ABHD17B: variants seen among roughly 807,000 people sequenced by gnomAD.
The protein encoded by ABHD17B is abhydrolase domain containing 17B, depalmitoylase, also known as alpha/beta hydrolase domain-containing protein 17B.
ABHD17B carries 9 observed loss-of-function variants against 26.2 expected under a neutral mutation model. The observed-to-expected ratio is 0.34, with a 90% CI of 0.21 to 0.60. ABHD17B has a LOEUF of 0.60. Ranked by LOEUF, ABHD17B falls within the 20% of genes least tolerant of loss-of-function variation. The pLI, the probability that ABHD17B is intolerant of heterozygous loss-of-function variation, is 0.80. For missense variants in ABHD17B, 224 were observed against 352.1 expected (o/e 0.64, Z 2.91); for synonymous variants, 127 against 122.3 (o/e 1.04, Z -0.25).
rs1406376280 is a variant in ABHD17B, at chr9:71,906,788, CT to C, written c.-4+3845del. ...AGTTGTATGGCTCCAGAGATCCTGT[CT>C]TTTACATTATTAAAAAACAAACAAA... On this transcript the variant is annotated intron_variant, in intron 1 of 3. Coordinates refer to ENST00000333421, the MANE Select transcript of ABHD17B (RefSeq NM_001025780.3). Among the ~76,000 whole-genome samples the C allele has an allele frequency of 3.5e-5, 5 of 143,890 alleles. No homozygotes were observed. The East Asian group carries it at 8.2e-4, about 24-fold the overall frequency. The allele number at this position is 143,890 out of a possible 152,430, so 94.4% of individuals were successfully genotyped here.
At chr9:71,874,552 T>TA in intron 2 of ABHD17B, 62 bp downstream of exon 2, 1 of 1,375,734 alleles carries the variant, frequency 7.3e-7, no homozygotes, top group Non-Finnish European at 9.9e-7. Context: ...ATTCTATTCT[T>TA]ACACAAGATA....
At chr9:71,881,495 T>C (rs1289216751) in intron 1 of ABHD17B, among the ~76,000 whole-genome samples, 1 of 152,040 alleles carries the variant, frequency 6.6e-6, no homozygotes, top group African/African-American at 2.4e-5. Flanking sequence ...TAAATCAGAC[T>C]CCAAAATTAA....
At chr9:71,897,038 G>T (rs991598116) in intron 1 of ABHD17B, among the ~76,000 whole-genome samples, 3 of 152,154 alleles carry the variant, frequency 2.0e-5, no homozygotes, top group Non-Finnish European at 4.4e-5. Context: ...GGAGACACAT[G>T]AATTTATAAC....
chr9:71,875,094 A>G lies in ABHD17B; in HGVS notation c.-3-11T>C, dbSNP rs1346065353. On this transcript the variant is annotated splice_polypyrimidine_tract_variant and intron_variant, in intron 1 of 3. Transcript: ENST00000333421. The stretch of plus-strand genomic sequence containing the variant: ...AAGATTATTCATGCTCTGAAAAAGA[A>G]AAGGAGATAGCAAATATTTTAATAA... 6.3e-7 allele frequency: 1 copy of G among 1,584,072 alleles called. No individual in the cohort carries two copies. Among genetic ancestry groups the G allele is most frequent in the South Asian group, 1.1e-5 (1 of 90,324 alleles).
At chr9:71,903,939 T>C (rs1827213586) in intron 1 of ABHD17B, among the ~76,000 whole-genome samples, 1 of 152,188 alleles carries the variant, frequency 6.6e-6, no homozygotes, top group Non-Finnish European at 1.5e-5. Flanking sequence ...AGAATTCAGG[T>C]TAAGTTAATT....
intron 1 of ABHD17B, among the ~76,000 whole-genome samples, chr9:71,882,778 T>C (rs543297635): frequency 1.4e-4 from 21 of 152,202 alleles, no homozygotes; most frequent in African/African-American, 3.9e-4. Flanking sequence ...GGTTTCTTTC[T>C]GGGGTAATGA....
At chr9:71,893,119 A>G (rs1445877525) in intron 1 of ABHD17B, among the ~76,000 whole-genome samples, 1 of 152,196 alleles carries the variant, frequency 6.6e-6, no homozygotes, top group Non-Finnish European at 1.5e-5. Flanking sequence ...CATTGTACCT[A>G]AAACAAACTA....
Position 71,910,967 on chromosome 9 carries a change from C to A in ABHD17B, c.-337G>T. 6.5e-6 allele frequency: 1 copy of A among 154,046 alleles called. No individual in the cohort carries two copies. The highest frequency in any genetic ancestry group is 1.8e-4 in the South Asian group (1 of 5,584). The allele number at this position is 154,046 out of a possible 1,614,324, so 9.5% of individuals were successfully genotyped here. The stretch of plus-strand genomic sequence containing the variant: ...CGCTGCCCGTCGGTTGCTCTCGGGC[C>A]TCACGTCCCGCGCGGCCGTGGTCGC... On this transcript the variant is annotated 5_prime_UTR_variant, in exon 1 of 4. In the 5' UTR this introduces an upstream ATG that the reference lacks. Transcript: ENST00000333421.
chr9:71,877,708 G>A (rs755552805), intron 1 of ABHD17B, among the ~76,000 whole-genome samples: 27 of 152,164 alleles, frequency 1.8e-4, no homozygotes, highest in South Asian at 4.1e-4. Context: ...ATGAGCCACC[G>A]CACCCAGCAG....
At chr9:71,885,424 C>A (rs1362557626) in intron 1 of ABHD17B, among the ~76,000 whole-genome samples, 3 of 146,068 alleles carry the variant, frequency 2.1e-5, no homozygotes, top group Non-Finnish European at 3.0e-5. Flanking sequence ...TGCACCACTG[C>A]ACTCCAGCCT....
chr9:71,874,338 T>C (rs954855361), intron 2 of ABHD17B, among the ~76,000 whole-genome samples: 5 of 152,154 alleles, frequency 3.3e-5, no homozygotes, highest in African/African-American at 1.2e-4. Flanking sequence ...GCATGCACCA[T>C]GGACTTCCAG....
intron 1 of ABHD17B, among the ~76,000 whole-genome samples, chr9:71,900,439 C>T (rs527969628): frequency 6.6e-6 from 1 of 151,302 alleles, no homozygotes; most frequent in East Asian, 2.0e-4. Flanking sequence ...CTGAGGCGGA[C>T]AGGAGTTCGA....
At chr9:71,869,078 T>A (rs1826040157) in intron 3 of ABHD17B, among the ~76,000 whole-genome samples, 1 of 152,210 alleles carries the variant, frequency 6.6e-6, no homozygotes. Context: ...ACAACACTGA[T>A]ATGGGGATAC....
At chr9:71,898,398 G>A (rs758546120) in intron 1 of ABHD17B, among the ~76,000 whole-genome samples, 13 of 151,556 alleles carry the variant, frequency 8.6e-5, no homozygotes, top group South Asian at 2.1e-4. Flanking sequence ...TTGGGAGGCC[G>A]AGGTGGGCAG....
chr9:71,870,990 T>C (rs1337096131), intron 2 of ABHD17B, among the ~76,000 whole-genome samples: 3 of 152,228 alleles, frequency 2.0e-5, no homozygotes, highest in Non-Finnish European at 4.4e-5. Context: ...TAAATATTTA[T>C]TGGGTACCTA....
At chr9:71,890,338 A>G (rs10746893) in intron 1 of ABHD17B, among the ~76,000 whole-genome samples, 147,205 of 152,082 alleles carry the variant, frequency 0.97, 71,426 homozygotes, top group East Asian at 1. Context: ...CCTAATTCCC[A>G]CCTTCTATGC....
intron 1 of ABHD17B, among the ~76,000 whole-genome samples, chr9:71,892,616 A>T (rs569216276): frequency 2.5e-4 from 38 of 151,072 alleles, no homozygotes; most frequent in South Asian, 4.2e-4. Flanking sequence ...TTAATATAAA[A>T]TTTATAAACA....
chr9:71,908,094 T>A (rs1331903078), intron 1 of ABHD17B, among the ~76,000 whole-genome samples: 1 of 152,188 alleles, frequency 6.6e-6, no homozygotes, highest in Non-Finnish European at 1.5e-5. Context: ...ATTTATTTCA[T>A]CTGTAAAAAT....
downstream of ABHD17B, among the ~76,000 whole-genome samples, chr9:71,863,902 A>T (rs1379378536): frequency 6.6e-6 from 1 of 152,166 alleles, no homozygotes; most frequent in Non-Finnish European, 1.5e-5. Context: ...GATTTGCTCT[A>T]ATTTGTAAAT....
Sources: gnomAD v4.1 joint callset for allele counts (sites outside exome capture counted in the v4.1 genomes callset) on GRCh38, gnomAD v4.1.1 for gene constraint, MANE v1.5 for transcripts, NCBI Gene and HGNC (gene_info 2026-07-23, HGNC 2026-07-21) for gene names.